The following PIK3CB variants were observed in gnomAD, a reference collection of about 807,000 sequenced individuals.
The protein encoded by PIK3CB is phosphatidylinositol-4,5-bisphosphate 3-kinase catalytic subunit beta.
A neutral mutation model predicts 136.8 loss-of-function variants in PIK3CB; 39 were observed. The observed-to-expected ratio is 0.29, with a 90% confidence interval of 0.22 to 0.37. The LOEUF (loss-of-function observed/expected upper bound fraction) is 0.37. PIK3CB is among the 10% of genes least tolerant of loss of function. PIK3CB has a pLI of 1.00. For synonymous variants in PIK3CB, 428 were observed against 436.6 expected, an observed-to-expected ratio of 0.98 and a Z score of 0.25; for missense variants, 868 against 1,275.4, an observed-to-expected ratio of 0.68 and a Z score of 4.87.
Position 138,683,901 on chromosome 3 carries a change from C to T in PIK3CB, c.2316-114G>A, listed in dbSNP as rs1577069048. ...TCCTCACCTATTCCTGTCAGGTCTGCAGAAGAGTCAGACTTAGAAGAGTCC... is the reference window on the plus strand; with the variant it reads ...TCCTCACCTATTCCTGTCAGGTCTGTAGAAGAGTCAGACTTAGAAGAGTCC... On this transcript the variant is annotated intron_variant, in intron 17 of 23. Transcript: ENST00000674063. The T allele has an allele frequency of 2.0e-5, 13 of 646,426 alleles. No individual in the cohort carries two copies. The East Asian group carries it at 2.4e-4, about 12-fold the overall frequency. 40.0% of individuals were successfully genotyped at this position (646,426 alleles called of 1,614,324 possible).
At chr3:138,697,258 A>G (rs114903722) in intron 13 of PIK3CB, among the ~76,000 whole-genome samples, 105 of 152,310 alleles carry the variant, frequency 6.9e-4, no homozygotes, top group Admixed American at 2.1e-3. Flanking sequence ...AGGTTCATGG[A>G]AAACGAATCC....
At chr3:138,774,920 A>C (rs951880174) in intron 2 of PIK3CB, among the ~76,000 whole-genome samples, 22 of 152,222 alleles carry the variant, frequency 1.4e-4, no homozygotes, top group African/African-American at 5.1e-4. Context: ...TATCCCAAGT[A>C]ATTTCAGGAT....
intron 2 of PIK3CB, among the ~76,000 whole-genome samples, chr3:138,794,565 T>C (rs1276196890): frequency 6.6e-6 from 1 of 152,122 alleles, no homozygotes; most frequent in Non-Finnish European, 1.5e-5. Context: ...AGATGCAGGA[T>C]TGATAAAGGG....
intron 16 of PIK3CB, among the ~76,000 whole-genome samples, chr3:138,686,524 A>C (rs1308388744): frequency 6.6e-6 from 1 of 152,218 alleles, no homozygotes; most frequent in Non-Finnish European, 1.5e-5. Flanking sequence ...ATGTCACAGT[A>C]CATAAAATTC....
chr3:138,709,502 G>T, intron 10 of PIK3CB, among the ~76,000 whole-genome samples: 1 of 152,108 alleles, frequency 6.6e-6, no homozygotes, highest in East Asian at 1.9e-4. Flanking sequence ...AAAAATTATG[G>T]AAAGTTAGGA....
intron 2 of PIK3CB, among the ~76,000 whole-genome samples, chr3:138,789,399 C>T (rs573037370): frequency 1.3e-5 from 2 of 152,234 alleles, no homozygotes; most frequent in Non-Finnish European, 1.5e-5. Flanking sequence ...GTGGAGGTTG[C>T]AGTGAGCCAT....
At chr3:138,720,007 C>T (rs1251088344) in intron 8 of PIK3CB, among the ~76,000 whole-genome samples, 1 of 151,948 alleles carries the variant, frequency 6.6e-6, no homozygotes, top group African/African-American at 2.4e-5. Context: ...GGGAATCAAG[C>T]AAAGTGGTGT....
At chr3:138,811,815 ATGGTGGCTTATGCC>A (rs887154760) in intron 1 of PIK3CB, among the ~76,000 whole-genome samples, 1 of 151,920 alleles carries the variant, frequency 6.6e-6, no homozygotes, top group African/African-American at 2.4e-5. Flanking sequence ...CAGGCTAGGC[ATGGTGGCTTATGCC>A]TGTAATCCCA....
intron 8 of PIK3CB, among the ~76,000 whole-genome samples, chr3:138,732,135 A>G (rs551604380): frequency 6.6e-6 from 1 of 152,218 alleles, no homozygotes; most frequent in Non-Finnish European, 1.5e-5. Flanking sequence ...TACACAGTCA[A>G]GTAAATCAAC....
chr3:138,793,732 G>T (rs1323789175), intron 2 of PIK3CB, among the ~76,000 whole-genome samples: 3 of 150,498 alleles, frequency 2.0e-5, no homozygotes, highest in Non-Finnish European at 4.4e-5. Context: ...TGAGATTAAA[G>T]AAGTTGACCA....
At position 138,744,392 on chromosome 3, in the gene PIK3CB, C is replaced by CAAAAAAAAAAAAAAAAAAAAAAAAAA. The variant is rs60503033; in HGVS notation, c.398-1637_398-1612dup. Among the ~76,000 whole-genome samples, 48 of 45,108 alleles carry CAAAAAAAAAAAAAAAAAAAAAAAAAA rather than the reference C, an allele frequency of 1.1e-3. 23 individuals carry two copies. The highest frequency in any genetic ancestry group is 2.9e-3 in the East Asian group (6 of 2,060). 29.6% of individuals were successfully genotyped at this position (45,108 alleles called of 152,430 possible). ...ACTGGGTGACAGAGCGAGACTCCCC[C>CAAAAAAAAAAAAAAAAAAAAAAAAAA]AAAAAAAAAAAAAAAAAAAAAAAAA... On this transcript the variant is annotated intron_variant, in intron 4 of 23. Transcript: ENST00000674063.
At chr3:138,739,243 T>C (rs1318169135) in intron 5 of PIK3CB, among the ~76,000 whole-genome samples, 3 of 151,764 alleles carry the variant, frequency 2.0e-5, no homozygotes, top group African/African-American at 4.8e-5. Context: ...CAGGAGATCA[T>C]GACCAGCCTG....
intron 8 of PIK3CB, among the ~76,000 whole-genome samples, chr3:138,729,830 T>C (rs2044931743): frequency 1.3e-5 from 2 of 152,216 alleles, no homozygotes; most frequent in South Asian, 4.1e-4. Context: ...TGTGATAATA[T>C]AGATATAGCT....
At chr3:138,671,053 T>A (rs2043522707) in intron 19 of PIK3CB, among the ~76,000 whole-genome samples, 2 of 152,210 alleles carry the variant, frequency 1.3e-5, no homozygotes, top group Admixed American at 6.5e-5. Flanking sequence ...TTTTCTCACT[T>A]AGCCAGACTG....
chr3:138,707,033 T>C (rs1441876243), intron 11 of PIK3CB, 126 bp downstream of exon 11: 1 of 724,534 alleles, frequency 1.4e-6, no homozygotes, highest in East Asian at 2.6e-5. Flanking sequence ...TCCATGGTCT[T>C]CCCACTCAAC....
chr3:138,774,013 C>T (rs1370197587), intron 2 of PIK3CB, among the ~76,000 whole-genome samples: 1 of 152,208 alleles, frequency 6.6e-6, no homozygotes, highest in African/African-American at 2.4e-5. Flanking sequence ...ATATCTACTA[C>T]ATTAACATAG....
intron 8 of PIK3CB, among the ~76,000 whole-genome samples, chr3:138,724,507 G>A (rs932680888): frequency 2.6e-5 from 4 of 152,062 alleles, no homozygotes; most frequent in Non-Finnish European, 4.4e-5. Context: ...CTGTTAAGTC[G>A]GTCTCTGTCC....
At chr3:138,777,972 A>G in intron 2 of PIK3CB, 1 of 385,722 alleles carries the variant, frequency 2.6e-6, no homozygotes, top group South Asian at 2.1e-5. Context: ...TTCCATGATG[A>G]TTCTACCCAT....
At chr3:138,790,648 CAAA>C (rs770490275) in intron 2 of PIK3CB, among the ~76,000 whole-genome samples, 1 of 98,614 alleles carries the variant, frequency 1.0e-5, no homozygotes. Flanking sequence ...ACTAAAAATA[CAAA>C]AAAAAAAAAA....
Sources: allele counts gnomAD v4.1 joint callset (sites outside exome capture counted in the v4.1 genomes callset), GRCh38; gene constraint gnomAD v4.1.1; transcripts MANE v1.5; gene names NCBI Gene and HGNC (gene_info 2026-07-23, HGNC 2026-07-21).